DCLK1: variants seen among roughly 807,000 people sequenced by gnomAD.
DCLK1 encodes the protein serine/threonine-protein kinase DCLK1.
A neutral mutation model predicts 86.2 loss-of-function variants in DCLK1; 16 were observed. That is an observed-to-expected ratio of 0.19 (90% CI 0.13 to 0.28). The LOEUF (loss-of-function observed/expected upper bound fraction) is 0.28. Among genes scored for constraint, DCLK1 ranks in the 10% least tolerant of loss-of-function variants. The pLI, the probability that DCLK1 is intolerant of heterozygous loss-of-function variation, is 1.00. For synonymous variants in DCLK1, 369 were observed against 370.5 expected (o/e 1.00, Z 0.05); for missense variants, 590 against 940.2 (o/e 0.63, Z 4.87).
chr13:36,079,872 A>G (rs1234713548), intron 3 of DCLK1, among the ~76,000 whole-genome samples: 1 of 152,172 alleles, frequency 6.6e-6, no homozygotes, highest in East Asian at 1.9e-4. Flanking sequence ...GCTGTACCTT[A>G]CCCAATGCTT....
Position 35,871,241 on chromosome 13 carries a change from G to A in DCLK1, c.923C>T (p.Pro308Leu). The change falls in exon 5 of 17, where the codon CCT (proline) becomes CTT (leucine). Residue 308 changes from proline to leucine, a missense_variant. Pro to Leu is a moderately conservative substitution (Grantham distance 98, BLOSUM62 -3). Coordinates refer to ENST00000360631, the MANE Select transcript of DCLK1 (RefSeq NM_001330071.2). The stretch of plus-strand genomic sequence containing the variant: ...TGCTTTACCTGAGCTGGTGGAGGCA[G>A]GGGACTTGCTACGCCTGGACGGTCC... Reference protein sequence around the residue: ...SPGPSRRSKSPASTSSVNGTP... With the variant: ...SPGPSRRSKSLASTSSVNGTP... 1 of 1,613,432 alleles carries A rather than the reference G, an allele frequency of 6.2e-7. No homozygotes were observed. Among genetic ancestry groups the A allele is most frequent in the Non-Finnish European group, 8.5e-7 (1 of 1,179,694 alleles).
chr13:35,877,318 C>T (rs1453285538), intron 4 of DCLK1, among the ~76,000 whole-genome samples: 3 of 152,102 alleles, frequency 2.0e-5, no homozygotes, highest in Admixed American at 1.3e-4. Context: ...GAAAGATCCT[C>T]CCCCCACTCA....
chr13:36,114,876 A>G (rs1885727391), intron 2 of DCLK1, among the ~76,000 whole-genome samples: 1 of 152,260 alleles, frequency 6.6e-6, no homozygotes, highest in Non-Finnish European at 1.5e-5. Flanking sequence ...GTAGCTCTAG[A>G]TATCCAGTGT....
chr13:35,796,604 T>G (rs1460319307), intron 15 of DCLK1, among the ~76,000 whole-genome samples: 1 of 152,158 alleles, frequency 6.6e-6, no homozygotes, highest in Non-Finnish European at 1.5e-5. Context: ...CTTCAGTCCA[T>G]TTATTAGTCC....
rs1868611602 is a variant in DCLK1 at position 35,827,851 on chromosome 13, T to C, written c.1288-97A>G. The C allele has an allele frequency of 4.9e-6, 7 of 1,443,288 alleles. No individual in the cohort carries two copies. In the South Asian group the frequency reaches 7.8e-5, roughly 16 times the overall value. 89.4% of individuals were successfully genotyped at this position (1,443,288 alleles called of 1,614,324 possible). On this transcript the variant is annotated intron_variant, in intron 9 of 16. Coordinates refer to ENST00000360631, the MANE Select transcript of DCLK1 (RefSeq NM_001330071.2). ...TATACTATGTAAGGGTCAAGAGAGA[T>C]GCATTTTGGTAAAATGTAATAAGCC... is the stretch of plus-strand genomic sequence containing the variant.
At chr13:36,124,385 C>G (rs1053288162) in intron 2 of DCLK1, among the ~76,000 whole-genome samples, 38 of 152,220 alleles carry the variant, frequency 2.5e-4, no homozygotes, top group African/African-American at 8.9e-4. Flanking sequence ...ATGTTGGCAG[C>G]ATGTCAAGTC....
intron 3 of DCLK1, among the ~76,000 whole-genome samples, chr13:35,952,823 T>TG (rs1461244951): frequency 6.6e-6 from 1 of 152,196 alleles, no homozygotes; most frequent in Non-Finnish European, 1.5e-5. Flanking sequence ...CTCTATGTGA[T>TG]GGTGCTTAGC....
chr13:35,870,137 G>GT (rs1386161058), intron 5 of DCLK1, among the ~76,000 whole-genome samples: 1 of 152,186 alleles, frequency 6.6e-6, no homozygotes, highest in Non-Finnish European at 1.5e-5. Context: ...GCTCTGAAAC[G>GT]TATTTCCTGA....
chr13:35,866,311 G>A (rs1280829167), intron 5 of DCLK1, among the ~76,000 whole-genome samples: 6 of 152,116 alleles, frequency 3.9e-5, no homozygotes, highest in South Asian at 4.1e-4. Flanking sequence ...AGCATAGCCC[G>A]AAAATTGTGC....
intron 3 of DCLK1, among the ~76,000 whole-genome samples, chr13:36,007,369 C>A (rs9531337): frequency 0.046 from 7,002 of 152,278 alleles, 165 homozygotes; most frequent in Middle Eastern, 0.092. Flanking sequence ...TGTTAGTAGG[C>A]TACAAGGCTG....
chr13:36,045,692 A>G (rs879662057), intron 3 of DCLK1, among the ~76,000 whole-genome samples: 7 of 151,886 alleles, frequency 4.6e-5, no homozygotes, highest in Non-Finnish European at 8.8e-5. Flanking sequence ...TATCCACTAA[A>G]AACACAAAGA....
chr13:35,986,131 G>A (rs1393341900), intron 3 of DCLK1, among the ~76,000 whole-genome samples: 1 of 151,514 alleles, frequency 6.6e-6, no homozygotes, highest in African/African-American at 2.4e-5. Context: ...GTAAAATCCC[G>A]TCTCTACTAA....
intron 16 of DCLK1, among the ~76,000 whole-genome samples, chr13:35,791,348 G>A (rs571135921): frequency 1.3e-5 from 2 of 151,356 alleles, no homozygotes; most frequent in Non-Finnish European, 2.9e-5. Flanking sequence ...GCATTACACA[G>A]CCCACTTTAC....
intron 3 of DCLK1, among the ~76,000 whole-genome samples, chr13:36,014,065 C>A (rs989391903): frequency 6.6e-6 from 1 of 152,232 alleles, no homozygotes; most frequent in Non-Finnish European, 1.5e-5. Flanking sequence ...CCTGCTTCGG[C>A]TCGCGCACGG....
At chr13:36,007,909 T>G (rs562600535) in intron 3 of DCLK1, among the ~76,000 whole-genome samples, 13 of 152,186 alleles carry the variant, frequency 8.5e-5, no homozygotes, top group African/African-American at 2.9e-4. Flanking sequence ...TCTAAGAAGT[T>G]AGGGATCATT....
intron 3 of DCLK1, among the ~76,000 whole-genome samples, chr13:35,982,331 G>A (rs1471731763): frequency 6.6e-6 from 1 of 151,422 alleles, no homozygotes; most frequent in Non-Finnish European, 1.5e-5. Context: ...ACTGAACAGT[G>A]ATTCACACCA....
chr13:35,893,767 C>T (rs1873783341), intron 4 of DCLK1, among the ~76,000 whole-genome samples: 1 of 152,234 alleles, frequency 6.6e-6, no homozygotes, highest in Non-Finnish European at 1.5e-5. Context: ...CTTAGTTAAT[C>T]TGCACACATT....
intron 16 of DCLK1, among the ~76,000 whole-genome samples, chr13:35,784,954 A>C (rs1490843232): frequency 6.6e-6 from 1 of 152,144 alleles, no homozygotes; most frequent in African/African-American, 2.4e-5. Context: ...AACTGACCCC[A>C]TTCCTTTTAA....
At chr13:35,776,158 T>A (rs918374745) in intron 16 of DCLK1, among the ~76,000 whole-genome samples, 3 of 152,234 alleles carry the variant, frequency 2.0e-5, no homozygotes, top group Non-Finnish European at 4.4e-5. Context: ...CTCATATAGT[T>A]CTTAGTCTTA....
Sources: gnomAD v4.1 joint callset for allele counts (sites outside exome capture counted in the v4.1 genomes callset) on GRCh38, gnomAD v4.1.1 for gene constraint, MANE v1.5 for transcripts, NCBI Gene and HGNC (gene_info 2026-07-23, HGNC 2026-07-21) for gene names.